Variants in ANKRD23 observed in about 807,000 individuals in gnomAD.
ANKRD23 encodes the protein ankyrin repeat domain 23.
A neutral mutation model predicts 38.1 loss-of-function variants in ANKRD23; 52 were observed. The observed-to-expected ratio is 1.36, with a 90% CI of 1.09 to 1.72. The LOEUF is 1.72. Among genes scored for constraint, ANKRD23 ranks in the 40% most tolerant of loss-of-function variants. The probability of loss-of-function intolerance (pLI) is 0.00; values close to 1 mark genes in which losing one functional copy is unlikely to be tolerated. For synonymous variants in ANKRD23, 167 were observed against 162.9 expected (o/e 1.03, Z -0.19); for missense variants, 416 against 400.2 (o/e 1.04, Z -0.34).
At chr2:96,840,557 C>A in intron 4 of ANKRD23, 43 bp from the exon 5 acceptor site, 1 of 1,597,394 alleles carries the variant, frequency 6.3e-7, no homozygotes. Context: ...AGTGCAGCCA[C>A]CCCTAGAGAC....
At chr2:96,842,635 G>A (rs2153358942) in intron 1 of ANKRD23, 124 bp from the exon 2 acceptor site, 4 of 1,237,376 alleles carry the variant, frequency 3.2e-6, no homozygotes, top group Admixed American at 2.9e-5. Context: ...CCCGGGATGG[G>A]AGCCGGCCTC....
In ANKRD23 at chr2:96,838,460, G is replaced by A. The variant is rs1418516662; in HGVS notation, c.*1089C>T. The A allele has an allele frequency of 5.1e-6, 5 of 987,228 alleles. No homozygotes were observed. Among genetic ancestry groups the A allele is most frequent in the Non-Finnish European group, 6.0e-6 (5 of 830,276 alleles). The allele number at this position is 987,228 out of a possible 1,614,324, so 61.2% of individuals were successfully genotyped here. A position where few individuals can be genotyped will look rare whatever the true frequency, so the allele number is the denominator to read the frequency against. On this transcript the variant is annotated 3_prime_UTR_variant, in exon 9 of 9. Coordinates refer to ENST00000318357, the MANE Select transcript of ANKRD23 (RefSeq NM_144994.8). ...GGGTCCTTAGACCACCAGGGAGCAG[G>A]GAAGGGATGGGAAGGGCTGGGGGGC...
chr2:96,840,971 C>A (rs548874357), intron 3 of ANKRD23, 59 bp from the exon 4 acceptor site: 59 of 1,593,784 alleles, frequency 3.7e-5, no homozygotes, highest in Non-Finnish European at 1.7e-6. Context: ...CCCAAGATGT[C>A]ACAGCTTCAC....
rs2079710869 is a variant in ANKRD23, at chr2:96,838,029, G to A, written c.*1520C>T. 6.6e-6 allele frequency: 1 copy of A among 152,324 alleles called. No homozygotes were observed. Among genetic ancestry groups the A allele is most frequent in the Non-Finnish European group, 1.5e-5 (1 of 68,104 alleles). The allele number at this position is 152,324 out of a possible 1,614,324, so 9.4% of individuals were successfully genotyped here. ...AGTTGTCTTCTCCATGGTCTTGAAC[G>A]CCTGCTTCGCCATGGCACCAGCGTC... On this transcript the variant is annotated 3_prime_UTR_variant, in exon 9 of 9. Transcript: ENST00000318357.
rs1574126184 is a variant in ANKRD23 at position 96,839,043 on chromosome 2, C to G, written c.*506G>C. ...AGGCATCCACCAGCTGCAGACAGGC[C>G]CGGCCCCTGCATGGCCTGCCTTGGC... On this transcript the variant is annotated 3_prime_UTR_variant, in exon 9 of 9. Transcript: ENST00000318357. 4 of 986,428 alleles carry G rather than the reference C, an allele frequency of 4.1e-6. No homozygotes were observed. Among genetic ancestry groups the G allele is most frequent in the East Asian group, 1.1e-4 (1 of 8,850 alleles). The allele number at this position is 986,428 out of a possible 1,614,324, so 61.1% of individuals were successfully genotyped here.
In ANKRD23 at chr2:96,839,590, C is replaced by A; in HGVS notation, c.877G>T (p.Ala293Ser). The A allele has an allele frequency of 6.7e-7, 1 of 1,483,548 alleles. No homozygotes were observed. Among genetic ancestry groups the A allele is most frequent in the Non-Finnish European group, 8.9e-7 (1 of 1,119,016 alleles). 91.9% of individuals were successfully genotyped at this position (1,483,548 alleles called of 1,614,324 possible). Residue 293 changes from alanine (A) to serine (S), a missense_variant, in exon 9 of 9, where the codon GCC (alanine) becomes TCC (serine). Physicochemically the swap from Ala to Ser is moderately conservative, Grantham distance 99. Coordinates refer to ENST00000318357, the MANE Select transcript of ANKRD23 (RefSeq NM_144994.8). ...GGATGCGCCACGTGGGCCTGCAGGG[C>A]CTCCCGGATGCCGCGCTGCCAGTCT... ...ARDWQRGIRE[A>S]LQAHVAHPRT... is the part of the protein sequence containing the mutation.
At chr2:96,840,980 A>T in intron 3 of ANKRD23, 68 bp from the exon 4 acceptor site, 2 of 1,584,582 alleles carry the variant, frequency 1.3e-6, no homozygotes, top group African/African-American at 2.7e-5. Context: ...TCACAGCTTC[A>T]CCAGTCTGGC....
chr2:96,840,666 C>A, intron 4 of ANKRD23, 121 bp downstream of exon 4: 1 of 1,532,596 alleles, frequency 6.5e-7, no homozygotes. Context: ...GCAGGTGCCA[C>A]TGGATTCATG....
In ANKRD23 at chr2:96,839,520, G is replaced by A. The variant is rs763448108; in HGVS notation, c.*29C>T. 144 of 1,426,882 alleles carry A rather than the reference G, an allele frequency of 1.0e-4. No individual in the cohort carries two copies. Among genetic ancestry groups the A allele is most frequent in the Non-Finnish European group, 1.3e-4 (140 of 1,095,956 alleles). The allele number at this position is 1,426,882 out of a possible 1,614,324, so 88.4% of individuals were successfully genotyped here. The stretch of plus-strand genomic sequence containing the variant: ...GCACAGGATGGAATGGTGGCAGTGC[G>A]AAAGGCGCGGCGGGGGGCGGTGCTG... On this transcript the variant is annotated 3_prime_UTR_variant, in exon 9 of 9. Coordinates refer to ENST00000318357, the MANE Select transcript of ANKRD23 (RefSeq NM_144994.8).
chr2:96,840,953 C>T (rs535055195), intron 3 of ANKRD23, 41 bp from the exon 4 acceptor site: 80 of 1,602,912 alleles, frequency 5.0e-5, no homozygotes, highest in Middle Eastern at 3.3e-4. Flanking sequence ...TCCCGAAGGC[C>T]GCAGGTGCCC....
At chr2:96,842,581 T>G in intron 1 of ANKRD23, 70 bp from the exon 2 acceptor site, 2 of 1,534,888 alleles carry the variant, frequency 1.3e-6, no homozygotes, top group Non-Finnish European at 1.8e-6. Flanking sequence ...AGCTGTGGAG[T>G]AGCAGGGAGC....
At chr2:96,840,157 C>T (rs750102963) in intron 6 of ANKRD23, 62 bp from the exon 7 acceptor site, 2 of 1,557,122 alleles carry the variant, frequency 1.3e-6, no homozygotes, top group Non-Finnish European at 1.7e-6. Flanking sequence ...ACCCATGGGA[C>T]TACGTGCTCT....
chr2:96,842,537 A>G (rs2079773560), intron 1 of ANKRD23, 26 bp from the exon 2 acceptor site: 1 of 1,590,710 alleles, frequency 6.3e-7, no homozygotes, highest in Non-Finnish European at 8.5e-7. Flanking sequence ...ATGAGTACTG[A>G]GTTGGGAAAA....
chr2:96,843,874 C>A, intron 1 of ANKRD23, 92 bp downstream of exon 1: 2 of 1,314,684 alleles, frequency 1.5e-6, no homozygotes, highest in Admixed American at 2.2e-5. Context: ...TTGACCCTCA[C>A]ACCACAGAAA....
chr2:96,840,576 G>T (rs1291581644), intron 4 of ANKRD23, 62 bp from the exon 5 acceptor site: 11 of 1,577,168 alleles, frequency 7.0e-6, no homozygotes, highest in Non-Finnish European at 8.7e-7. Context: ...ACCCCACGCG[G>T]TCCCCTTCCC....
chr2:96,841,022 C>T, intron 3 of ANKRD23, 110 bp from the exon 4 acceptor site: 1 of 1,372,816 alleles, frequency 7.3e-7, no homozygotes. Context: ...CCAAGGAACA[C>T]TGCTGGCTCG....
rs2079749394 is a variant in ANKRD23 at position 96,840,632 on chromosome 2, T to C, written c.427-118A>G. On this transcript the variant is annotated intron_variant, in intron 4 of 8. Coordinates refer to ENST00000318357, the MANE Select transcript of ANKRD23 (RefSeq NM_144994.8). ...AATTGCCACTTCCCCCACCACGCGA[T>C]GGGCCGCTCCCTCTCCTCCGTCTGC... is the stretch of plus-strand genomic sequence containing the variant. 2.6e-6 allele frequency: 4 copies of C among 1,511,372 alleles called. 1 individual carries two copies. The Middle Eastern group carries it at 7.8e-4, about 293-fold the overall frequency. 93.6% of individuals were successfully genotyped at this position (1,511,372 alleles called of 1,614,324 possible).
Position 96,838,404 on chromosome 2 carries a change from C to A in ANKRD23, c.*1145G>T. 1 of 988,176 alleles carries A rather than the reference C, an allele frequency of 1.0e-6. No individual in the cohort carries two copies. Among genetic ancestry groups the A allele is most frequent in the Non-Finnish European group, 1.2e-6 (1 of 830,186 alleles). 61.2% of individuals were successfully genotyped at this position (988,176 alleles called of 1,614,324 possible). ...CTACACCAGTGTAATTTGAAACGTA[C>A]AGACGGTGGAAGAGGAAGTCTAGGG... is the stretch of plus-strand genomic sequence containing the variant. On this transcript the variant is annotated 3_prime_UTR_variant, in exon 9 of 9. Transcript: ENST00000318357.
In ANKRD23 at chr2:96,839,048, C is replaced by T. The variant is rs561809432; in HGVS notation, c.*501G>A. ...TCCACCAGCTGCAGACAGGCCCGGC[C>T]CCTGCATGGCCTGCCTTGGCTGCAC... On this transcript the variant is annotated 3_prime_UTR_variant, in exon 9 of 9. Transcript: ENST00000318357. 2 of 986,498 alleles carry T rather than the reference C, an allele frequency of 2.0e-6. No individual in the cohort carries two copies. Among genetic ancestry groups the T allele is most frequent in the East Asian group, 1.1e-4 (1 of 8,856 alleles). The allele number at this position is 986,498 out of a possible 1,614,324, so 61.1% of individuals were successfully genotyped here. A position where few individuals can be genotyped will look rare whatever the true frequency, so the allele number is the denominator to read the frequency against.
Sources: gnomAD v4.1 joint callset for allele counts on GRCh38, gnomAD v4.1.1 for gene constraint, MANE v1.5 for transcripts, NCBI Gene and HGNC (gene_info 2026-07-23, HGNC 2026-07-21) for gene names.